Variants in MCTP1 observed in about 807,000 individuals in gnomAD.
MCTP1 encodes the protein multiple C2 and transmembrane domain-containing protein 1.
Under a neutral mutation model 120.6 loss-of-function variants are expected in MCTP1, and 69 were observed. That is an observed-to-expected ratio of 0.57 (90% CI 0.47 to 0.70). MCTP1 has a LOEUF of 0.70. MCTP1 is among the 30% of genes least tolerant of loss of function. The pLI is 0.00. For missense variants in MCTP1, 1,203 were observed against 1,248.8 expected (o/e 0.96, Z 0.55); for synonymous variants, 529 against 493.1 (o/e 1.07, Z -0.96).
chr5:95,030,811 C>G (rs1439724078), intron 1 of MCTP1, among the ~76,000 whole-genome samples: 1 of 152,008 alleles, frequency 6.6e-6, no homozygotes, highest in African/African-American at 2.4e-5. Flanking sequence ...GCAATGGATC[C>G]TAACCAAATT....
intron 2 of MCTP1, among the ~76,000 whole-genome samples, chr5:95,001,547 A>C (rs1230108348): frequency 6.6e-6 from 1 of 152,208 alleles, no homozygotes; most frequent in African/African-American, 2.4e-5. Flanking sequence ...AGGTGGTCTC[A>C]GATGGAAATG....
chr5:94,722,662 G>T (rs533283922), intron 19 of MCTP1, among the ~76,000 whole-genome samples: 11 of 152,058 alleles, frequency 7.2e-5, no homozygotes, highest in Non-Finnish European at 1.0e-4. Flanking sequence ...ATCCCAAAGA[G>T]CTAATTAATC....
At chr5:95,091,787 G>C (rs977626801) in intron 1 of MCTP1, among the ~76,000 whole-genome samples, 40 of 152,192 alleles carry the variant, frequency 2.6e-4, no homozygotes, top group African/African-American at 9.7e-4. Context: ...AAAATAAAAT[G>C]GTAGTTTTAA....
At chr5:94,851,670 T>C (rs1388951455) in intron 17 of MCTP1, among the ~76,000 whole-genome samples, 2 of 151,990 alleles carry the variant, frequency 1.3e-5, no homozygotes, top group Admixed American at 6.6e-5. Flanking sequence ...TAGAAGAATC[T>C]TAGATGAAAT....
intron 1 of MCTP1, among the ~76,000 whole-genome samples, chr5:95,277,400 ATCAAATAT>A (rs1475822239): frequency 2.0e-5 from 3 of 152,212 alleles, no homozygotes; most frequent in Non-Finnish European, 4.4e-5. Context: ...AGAGGGGAAC[ATCAAATAT>A]ATCTGCCAGG....
chr5:95,109,083 T>G (rs1757282627), intron 1 of MCTP1, among the ~76,000 whole-genome samples: 1 of 152,228 alleles, frequency 6.6e-6, no homozygotes, highest in Admixed American at 6.5e-5. Flanking sequence ...ACCAAGAGTC[T>G]AGACTAATCA....
chr5:94,984,183 C>T (rs1025675646), intron 2 of MCTP1, among the ~76,000 whole-genome samples: 4 of 152,112 alleles, frequency 2.6e-5, no homozygotes, highest in Non-Finnish European at 5.9e-5. Context: ...TATTACTCTC[C>T]CATCTGTCTC....
chr5:95,178,592 G>A (rs571580755), intron 1 of MCTP1, among the ~76,000 whole-genome samples: 6 of 152,264 alleles, frequency 3.9e-5, no homozygotes, highest in South Asian at 2.1e-4. Flanking sequence ...ACTGCAGTTC[G>A]CCTCTCAGGA....
intron 18 of MCTP1, 118 bp from the exon 19 acceptor site, chr5:94,779,281 G>A: frequency 1.2e-6 from 1 of 828,364 alleles, no homozygotes; most frequent in South Asian, 1.4e-5. Flanking sequence ...ACACTGAGAA[G>A]GGATATTTGA....
At chr5:95,104,230 C>T (rs1382595145) in intron 1 of MCTP1, among the ~76,000 whole-genome samples, 1 of 152,148 alleles carries the variant, frequency 6.6e-6, no homozygotes, top group African/African-American at 2.4e-5. Context: ...ACTAATGGGA[C>T]CTGAACTTAA....
chr5:94,881,602 GGTGT>G (rs547990382), intron 12 of MCTP1, among the ~76,000 whole-genome samples: 1 of 151,222 alleles, frequency 6.6e-6, no homozygotes, highest in African/African-American at 2.4e-5. Flanking sequence ...TTTACAAGCT[GGTGT>G]GTGTGTGTGT....
intron 1 of MCTP1, among the ~76,000 whole-genome samples, chr5:95,136,761 C>T (rs747839019): frequency 6.6e-6 from 1 of 152,142 alleles, no homozygotes; most frequent in Non-Finnish European, 1.5e-5. Flanking sequence ...TCCAGAATCT[C>T]ACAATTAGGA....
chr5:95,006,577 T>C (rs1454636825), intron 2 of MCTP1, among the ~76,000 whole-genome samples: 2 of 152,148 alleles, frequency 1.3e-5, no homozygotes, highest in African/African-American at 4.8e-5. Flanking sequence ...CAAAAAGTGA[T>C]TGACTAGCAA....
rs552568569 is a variant in MCTP1 at position 95,209,152 on chromosome 5, C to A, written c.720+74704G>T. 4.6e-5 allele frequency among the ~76,000 whole-genome samples: 7 copies of A among 152,194 alleles called. 1 individual carries two copies. Among genetic ancestry groups the A allele is most frequent in the Non-Finnish European group, 2.9e-5 (2 of 68,018 alleles). ...GAATTGTATCATCCCCAATTGTCTT[C>A]CAACATTCTTGACTTTGGCTAATAG... On this transcript the variant is annotated intron_variant, in intron 1 of 22. Coordinates refer to ENST00000515393, the MANE Select transcript of MCTP1 (RefSeq NM_024717.7).
intron 1 of MCTP1, among the ~76,000 whole-genome samples, chr5:95,090,280 A>G (rs1755742330): frequency 6.6e-6 from 1 of 152,240 alleles, no homozygotes; most frequent in Non-Finnish European, 1.5e-5. Context: ...AAATTTGTAA[A>G]TAAAAATTAG....
intron 1 of MCTP1, among the ~76,000 whole-genome samples, chr5:95,179,701 T>G (rs961500827): frequency 1.3e-5 from 2 of 152,128 alleles, no homozygotes; most frequent in African/African-American, 4.8e-5. Flanking sequence ...AAACAAATCC[T>G]CAAAACACAC....
chr5:94,960,691 G>T (rs1291420156), intron 2 of MCTP1, among the ~76,000 whole-genome samples: 1 of 152,174 alleles, frequency 6.6e-6, no homozygotes, highest in Non-Finnish European at 1.5e-5. Context: ...GGTCATTAGA[G>T]AAATGTAATA....
rs1769011355 is a variant in MCTP1, at chr5:94,753,552, A to T, written c.2610+25558T>A. On this transcript the variant is annotated intron_variant, in intron 19 of 22. Coordinates refer to ENST00000515393, the MANE Select transcript of MCTP1 (RefSeq NM_024717.7). ...AAATTTCATTTATTTCCTTTGTTGT[A>T]ATAATGATTGTGGTGTGTAGTTGCT... 1.3e-5 allele frequency among the ~76,000 whole-genome samples: 2 copies of T among 152,206 alleles called. 1 individual carries two copies. The highest frequency in any genetic ancestry group is 4.1e-4 in the South Asian group (2 of 4,830).
At chr5:95,019,538 G>A (rs1837795742) in intron 1 of MCTP1, among the ~76,000 whole-genome samples, 1 of 151,902 alleles carries the variant, frequency 6.6e-6, no homozygotes, top group Admixed American at 6.6e-5. Context: ...ATTTGTGTTA[G>A]TTTCTTTGTT....
Sources: gnomAD v4.1 joint callset for allele counts (sites outside exome capture counted in the v4.1 genomes callset) on GRCh38, gnomAD v4.1.1 for gene constraint, MANE v1.5 for transcripts, NCBI Gene and HGNC (gene_info 2026-07-23, HGNC 2026-07-21) for gene names.